Variants in MYO16 observed in about 807,000 individuals in gnomAD.
MYO16 encodes the protein myosin XVI, also known as unconventional myosin-XVI.
In MYO16, 94 loss-of-function variants were observed where a neutral mutation model predicts 205.3. The ratio of observed to expected loss-of-function variants is 0.46; its 90% CI spans 0.39 to 0.54. The LOEUF (loss-of-function observed/expected upper bound fraction) is 0.54. Among genes scored for constraint, MYO16 ranks in the 20% least tolerant of loss-of-function variants. MYO16 has a pLI of 0.00. For synonymous variants in MYO16, 988 were observed against 954.0 expected (o/e 1.04, Z -0.66); for missense variants, 2,315 against 2,387.5 (o/e 0.97, Z 0.63).
At chr13:108,796,551 A>T (rs1255928762) in intron 6 of MYO16, among the ~76,000 whole-genome samples, 1 of 152,172 alleles carries the variant, frequency 6.6e-6, no homozygotes, top group Non-Finnish European at 1.5e-5. Context: ...GATTAAGAAA[A>T]TGTGGCACAT....
intron 20 of MYO16, among the ~76,000 whole-genome samples, chr13:108,965,702 G>C (rs367909546): frequency 6.6e-6 from 1 of 152,130 alleles, no homozygotes. Flanking sequence ...CACTGCGCCC[G>C]GCCCCTAAAC....
At chr13:108,899,175 G>A (rs1263936179) in intron 15 of MYO16, among the ~76,000 whole-genome samples, 2 of 152,194 alleles carry the variant, frequency 1.3e-5, no homozygotes, top group African/African-American at 2.4e-5. Context: ...TGAAATCCCA[G>A]CACTTTGGGA....
chr13:108,570,131 A>G, the MYO16 span, among the ~76,000 whole-genome samples: 3 of 152,308 alleles, frequency 2.0e-5, no homozygotes, highest in South Asian at 4.1e-4. Flanking sequence ...CTTGCCTCAA[A>G]TAATTACTTA....
At chr13:108,847,526 C>G (rs1877584671) in intron 10 of MYO16, among the ~76,000 whole-genome samples, 1 of 152,034 alleles carries the variant, frequency 6.6e-6, no homozygotes, top group Non-Finnish European at 1.5e-5. Flanking sequence ...CCATAAAGCT[C>G]TAATTAACAT....
At chr13:108,692,419 G>A (rs1882933597) in intron 2 of MYO16, among the ~76,000 whole-genome samples, 2 of 152,282 alleles carry the variant, frequency 1.3e-5, no homozygotes, top group Middle Eastern at 3.4e-3. Flanking sequence ...CTCTTCATGC[G>A]AGGACATCAA....
chr13:108,604,666 C>T (rs1446991257), intron 1 of MYO16, among the ~76,000 whole-genome samples: 1 of 152,192 alleles, frequency 6.6e-6, no homozygotes, highest in Non-Finnish European at 1.5e-5. Flanking sequence ...ACTTTTCTAT[C>T]ATAAATGTTA....
intron 4 of MYO16, among the ~76,000 whole-genome samples, chr13:108,742,164 T>C (rs1003013839): frequency 1.3e-5 from 2 of 152,118 alleles, no homozygotes; most frequent in African/African-American, 2.4e-5. Flanking sequence ...AGCTAGTTTT[T>C]TGTATTTTTA....
intron 23 of MYO16, 48 bp from the exon 24 acceptor site, chr13:109,046,868 A>G (rs2139592967): frequency 1.4e-6 from 2 of 1,442,930 alleles, no homozygotes; most frequent in East Asian, 4.6e-5. Context: ...ATTTATTTTC[A>G]CAGTCATGTT....
chr13:108,638,994 C>G (rs537587733), intron 1 of MYO16, among the ~76,000 whole-genome samples: 1 of 152,050 alleles, frequency 6.6e-6, no homozygotes, highest in Non-Finnish European at 1.5e-5. Context: ...CTGCGTAGTG[C>G]GTTCAAAGCA....
At chr13:108,969,916 C>G (rs144609219) in intron 20 of MYO16, among the ~76,000 whole-genome samples, 1 of 152,198 alleles carries the variant, frequency 6.6e-6, no homozygotes, top group Non-Finnish European at 1.5e-5. Flanking sequence ...AACACTTCTC[C>G]TCTTTCATGG....
chr13:108,731,796 T>C (rs1381408197), intron 4 of MYO16, among the ~76,000 whole-genome samples: 2 of 152,192 alleles, frequency 1.3e-5, no homozygotes, highest in African/African-American at 4.8e-5. Flanking sequence ...GAAATTACAG[T>C]TTGTTTATTC....
intron 9 of MYO16, among the ~76,000 whole-genome samples, chr13:108,829,783 G>T (rs1172985879): frequency 6.6e-6 from 1 of 152,130 alleles, no homozygotes; most frequent in East Asian, 1.9e-4. Context: ...ATAAGGCAGT[G>T]TGCCCCTTTT....
At chr13:109,060,260 A>T (rs573763243) in intron 27 of MYO16, among the ~76,000 whole-genome samples, 1 of 152,196 alleles carries the variant, frequency 6.6e-6, no homozygotes, top group Non-Finnish European at 1.5e-5. Context: ...GATAGACTGG[A>T]TAAAGAAATT....
At chr13:108,862,621 A>T (rs547741193) in intron 11 of MYO16, among the ~76,000 whole-genome samples, 45 of 152,250 alleles carry the variant, frequency 3.0e-4, no homozygotes, top group African/African-American at 1.0e-3. Context: ...AAATATCTTG[A>T]TCATTACAGC....
chr13:109,044,707 C>CCTTATA (rs1278628400), intron 23 of MYO16, among the ~76,000 whole-genome samples: 1 of 152,082 alleles, frequency 6.6e-6, no homozygotes, highest in African/African-American at 2.4e-5. Flanking sequence ...ATTTGTAACC[C>CCTTATA]CTTATACTTC....
At chr13:109,072,544 CT>C (rs1035443528) in intron 27 of MYO16, among the ~76,000 whole-genome samples, 6 of 151,636 alleles carry the variant, frequency 4.0e-5, no homozygotes, top group Middle Eastern at 3.4e-3. Context: ...TCTTTTGCTA[CT>C]CCTAATGGTT....
intron 23 of MYO16, among the ~76,000 whole-genome samples, chr13:109,022,270 C>T (rs575894755): frequency 2.5e-5 from 3 of 118,762 alleles, no homozygotes; most frequent in South Asian, 2.4e-4. Context: ...TATACATATA[C>T]ATATTTATAT....
chr13:109,188,829 C>T (rs570502730), intron 34 of MYO16, among the ~76,000 whole-genome samples: 2 of 152,310 alleles, frequency 1.3e-5, no homozygotes, highest in South Asian at 2.1e-4. Context: ...CGCAGTGGCT[C>T]ATGCCTGTAA....
At chr13:108,766,532 G>A (rs1445640913) in intron 4 of MYO16, among the ~76,000 whole-genome samples, 1 of 152,126 alleles carries the variant, frequency 6.6e-6, no homozygotes, top group Non-Finnish European at 1.5e-5. Context: ...AAATTTCAGA[G>A]CAAGGGGGGT....
Sources: gnomAD v4.1 joint callset for allele counts (sites outside exome capture counted in the v4.1 genomes callset) on GRCh38, gnomAD v4.1.1 for gene constraint, MANE v1.5 for transcripts, NCBI Gene and HGNC (gene_info 2026-07-23, HGNC 2026-07-21) for gene names.